The following EPHA3 variants were observed in gnomAD, a reference collection of about 807,000 sequenced individuals.
EPHA3 encodes ephrin type-A receptor 3.
A neutral mutation model predicts 107.1 loss-of-function variants in EPHA3; 42 were observed. That is an observed-to-expected ratio of 0.39 (90% CI 0.31 to 0.51). EPHA3 has a LOEUF of 0.51. EPHA3 is among the 20% of genes least tolerant of loss of function. The probability of loss-of-function intolerance (pLI) is 0.78; values close to 1 mark genes in which losing one functional copy is unlikely to be tolerated. For synonymous variants in EPHA3, 461 were observed against 424.8 expected (o/e 1.09, Z -1.05); for missense variants, 1,183 against 1,211.2 (o/e 0.98, Z 0.35).
In EPHA3 at chr3:89,472,584, C is replaced by T. The variant is rs753471826; in HGVS notation, c.2811C>T (p.Tyr937=). 9 of 1,613,408 alleles carry T rather than the reference C, an allele frequency of 5.6e-6. No homozygotes were observed. Among genetic ancestry groups the T allele is most frequent in the South Asian group, 2.2e-5 (2 of 91,036 alleles). The part of the protein sequence containing the change: ...HCKEIFTGVE[Y]SSCDTIAKIS... ...AGGAAATCTTCACGGGTGTGGAGTA[C>T]AGTTCTTGTGACACAATAGCCAAGA... The change falls in exon 16 of 17, where the codon TAC becomes TAT. Residue 937 remains tyrosine (Y), a synonymous_variant. Transcript: ENST00000336596.
At chr3:89,113,764 C>T (rs1707181275) in intron 1 of EPHA3, among the ~76,000 whole-genome samples, 1 of 13,904 alleles carries the variant, frequency 7.2e-5, no homozygotes, top group South Asian at 1.9e-3. Context: ...TTCTTTGTTT[C>T]TCCTCAAGTT....
In EPHA3 at chr3:89,227,803, AT is replaced by A. The variant is rs533435010; in HGVS notation, c.814+17286del. On this transcript the variant is annotated intron_variant, in intron 3 of 16. Coordinates refer to ENST00000336596, the MANE Select transcript of EPHA3 (RefSeq NM_005233.6). ...TGATGGCTGTTATTTTGGGCAGTTT[AT>A]TTGTAACGTTCCATGTCCAAGAATG... Among the ~76,000 whole-genome samples the A allele has an allele frequency of 2.0e-5, 3 of 152,088 alleles. No individual in the cohort carries two copies. In the South Asian group the frequency reaches 6.2e-4, roughly 32 times the overall value.
chr3:89,391,480 C>T (rs1276441404), intron 5 of EPHA3, among the ~76,000 whole-genome samples: 20 of 135,084 alleles, frequency 1.5e-4, no homozygotes. Context: ...GGTGCAGTGG[C>T]GTGATCTCGA....
chr3:89,217,191 T>C (rs1391803290), intron 3 of EPHA3, among the ~76,000 whole-genome samples: 1 of 152,110 alleles, frequency 6.6e-6, no homozygotes, highest in Non-Finnish European at 1.5e-5. Context: ...TAGAGAGCAA[T>C]TGTAAAGAAG....
Position 89,399,464 on chromosome 3 carries a change from T to C in EPHA3, c.1578T>C (p.Phe526=), listed in dbSNP as rs751662769. ...GYGTNSRKFE[F]ETSPDSFSIS... is the part of the protein sequence containing the mutation. ...GGACGAACAGCCGCAAGTTTGAGTT[T>C]GAAACTAGTCCAGACTGTATGTATT... Residue 526 remains phenylalanine, a synonymous_variant, in exon 7 of 17, where the codon TTT becomes TTC. Coordinates refer to ENST00000336596, the MANE Select transcript of EPHA3 (RefSeq NM_005233.6). The C allele has an allele frequency of 6.2e-7, 1 of 1,614,162 alleles. No homozygotes were observed. Among genetic ancestry groups the C allele is most frequent in the Admixed American group, 1.7e-5 (1 of 60,006 alleles).
intron 3 of EPHA3, among the ~76,000 whole-genome samples, chr3:89,275,552 G>A (rs527257193): frequency 4.6e-5 from 7 of 152,154 alleles, no homozygotes; most frequent in African/African-American, 1.4e-4. Flanking sequence ...GTTCAAATGA[G>A]ATATTGTAAG....
chr3:89,402,636 C>A lies in EPHA3; in HGVS notation c.1594+3156C>A, dbSNP rs140642953. ...TTTTTAAAAAATAGACATAAGACTT[C>A]TGTTTGTATTTAACAGTTTGCTTTT... On this transcript the variant is annotated intron_variant, in intron 7 of 16. Coordinates refer to ENST00000336596, the MANE Select transcript of EPHA3 (RefSeq NM_005233.6). Among the ~76,000 whole-genome samples the A allele has an allele frequency of 9.7e-3, 1,478 of 152,014 alleles. 25 individuals are homozygous for A. The highest frequency in any genetic ancestry group is 0.034 in the African/African-American group (1,411 of 41,462).
chr3:89,160,673 GCCCTAAAGATTCAA>G (rs1704915230), intron 2 of EPHA3, among the ~76,000 whole-genome samples: 1 of 151,228 alleles, frequency 6.6e-6, no homozygotes, highest in Non-Finnish European at 1.5e-5. Context: ...TTAATTGTCA[GCCCTAAAGATTCAA>G]CCCTAAAGCT....
At chr3:89,181,360 T>G (rs549726732) in intron 2 of EPHA3, among the ~76,000 whole-genome samples, 4 of 151,950 alleles carry the variant, frequency 2.6e-5, no homozygotes, top group African/African-American at 9.7e-5. Flanking sequence ...TTCTACTGAT[T>G]TTTTTTCTTA....
intron 3 of EPHA3, among the ~76,000 whole-genome samples, chr3:89,272,301 C>G (rs894490778): frequency 6.7e-6 from 1 of 150,232 alleles, no homozygotes; most frequent in Non-Finnish European, 1.5e-5. Context: ...TGGCTATGAT[C>G]CTTAAAAATG....
intron 2 of EPHA3, among the ~76,000 whole-genome samples, chr3:89,153,261 C>A (rs1210618072): frequency 6.6e-6 from 1 of 152,050 alleles, no homozygotes; most frequent in Non-Finnish European, 1.5e-5. Context: ...ATATTTACTT[C>A]ACTTAAGATA....
chr3:89,255,104 G>A (rs1365432900), intron 3 of EPHA3, among the ~76,000 whole-genome samples: 2 of 152,004 alleles, frequency 1.3e-5, no homozygotes, highest in East Asian at 3.8e-4. Context: ...CATAAATAAT[G>A]TTTACTTAAA....
intron 3 of EPHA3, among the ~76,000 whole-genome samples, chr3:89,218,617 A>G (rs1177409768): frequency 1.3e-5 from 2 of 152,110 alleles, no homozygotes; most frequent in Non-Finnish European, 2.9e-5. Context: ...GTGTCTTTAT[A>G]GCAGCATGAT....
chr3:89,134,323 T>C (rs927495593), intron 2 of EPHA3, among the ~76,000 whole-genome samples: 3 of 151,962 alleles, frequency 2.0e-5, no homozygotes, highest in African/African-American at 7.2e-5. Context: ...ACCCATTAAC[T>C]CGTCATTTAC....
At chr3:89,382,049 C>A (rs1328590223) in intron 5 of EPHA3, among the ~76,000 whole-genome samples, 1 of 152,124 alleles carries the variant, frequency 6.6e-6, no homozygotes, top group Admixed American at 6.5e-5. Flanking sequence ...AAATAGCCAG[C>A]TATTTCTTTA....
chr3:89,190,927 G>C (rs1705698951), intron 2 of EPHA3, among the ~76,000 whole-genome samples: 1 of 152,038 alleles, frequency 6.6e-6, no homozygotes, highest in Non-Finnish European at 1.5e-5. Context: ...CCTCTTTACA[G>C]ATCTTCTCTC....
In EPHA3 at chr3:89,352,927, A is replaced by AAAAG. The variant is rs887680985; in HGVS notation, c.1306+10852_1306+10855dup. 1.2e-3 allele frequency among the ~76,000 whole-genome samples: 173 copies of AAAAG among 149,792 alleles called. 1 individual carries two copies. Among genetic ancestry groups the AAAAG allele is most frequent in the African/African-American group, 4.1e-3 (168 of 40,948 alleles). On this transcript the variant is annotated intron_variant, in intron 5 of 16. Coordinates refer to ENST00000336596, the MANE Select transcript of EPHA3 (RefSeq NM_005233.6). ...CAAAAAAAAAAAAAAAAAAAAAGGAAAAAGAAAGAAAGAAAGAATCCACAG... is the reference window on the plus strand; with the variant it reads ...CAAAAAAAAAAAAAAAAAAAAAGGAAAAAGAAAGAAAGAAAGAAAGAATCCACAG...
At chr3:89,397,504 T>A (rs2107505933) in intron 6 of EPHA3, among the ~76,000 whole-genome samples, 1 of 152,108 alleles carries the variant, frequency 6.6e-6, no homozygotes, top group East Asian at 1.9e-4. Flanking sequence ...ATTGTATACA[T>A]CTGCACCTTT....
In EPHA3 at chr3:89,113,485, C is replaced by CAAAAAAAAAAAA. The variant is rs753848304; in HGVS notation, c.88+5666_88+5677dup. On this transcript the variant is annotated intron_variant, in intron 1 of 16. Coordinates refer to ENST00000336596, the MANE Select transcript of EPHA3 (RefSeq NM_005233.6). ...TTGCCTCCTACCAGCTTCCTTTGTA[C>CAAAAAAAAAAAA]AAAAAAAAAAAAAAAAAAAAAAAAA... Among the ~76,000 whole-genome samples, 305 of 31,102 alleles carry CAAAAAAAAAAAA rather than the reference C, an allele frequency of 9.8e-3. 96 individuals carry two copies. Among genetic ancestry groups the CAAAAAAAAAAAA allele is most frequent in the Admixed American group, 0.02 (24 of 1,208 alleles). 20.4% of individuals were successfully genotyped at this position (31,102 alleles called of 152,430 possible). A position where few individuals can be genotyped will look rare whatever the true frequency, so the allele number is the denominator to read the frequency against.
Sources: allele counts gnomAD v4.1 joint callset (sites outside exome capture counted in the v4.1 genomes callset), GRCh38; gene constraint gnomAD v4.1.1; transcripts MANE v1.5; gene names NCBI Gene and HGNC (gene_info 2026-07-23, HGNC 2026-07-21).